The following KRT82 variants were observed in gnomAD, a reference collection of about 807,000 sequenced individuals.
KRT82 encodes the protein keratin 82, also known as keratin, type II cuticular Hb2.
A neutral mutation model predicts 48.0 loss-of-function variants in KRT82; 44 were observed. The ratio of observed to expected loss-of-function variants is 0.92; its 90% confidence interval spans 0.72 to 1.18. The LOEUF (loss-of-function observed/expected upper bound fraction) is 1.18, where lower values mean the gene tolerates loss of function less well. Ranked by LOEUF, KRT82 falls within the 50% of genes most tolerant of loss-of-function variation. The pLI is 0.00. For synonymous variants in KRT82, 297 were observed against 278.3 expected (o/e 1.07, Z -0.67); for missense variants, 701 against 671.4 (o/e 1.04, Z -0.49).
In KRT82 at chr12:52,405,881, A is replaced by T; in HGVS notation, c.397T>A (p.Ser133Thr). The stretch of plus-strand genomic sequence containing the variant: ...TGCCCCCTTACCTTGTTGATGAAAG[A>T]TGCGAAACGGTTGTTGAGGCACTTG... The part of the protein sequence containing the change: ...QIKCLNNRFA[S>T]FINKVRFLEQ... The change falls in exon 1 of 9, where the codon TCT (serine) becomes ACT (threonine). Residue 133 changes from serine (S) to threonine (T), a missense_variant. Physicochemically the swap from Ser to Thr is moderately conservative, Grantham distance 58. Coordinates refer to ENST00000257974, the MANE Select transcript of KRT82 (RefSeq NM_033033.4). The T allele has an allele frequency of 6.2e-7, 1 of 1,612,086 alleles. No homozygotes were observed. The highest frequency in any genetic ancestry group is 8.5e-7 in the Non-Finnish European group (1 of 1,178,590).
At chr12:52,399,822 C>A (rs565862883) in intron 5 of KRT82, among the ~76,000 whole-genome samples, 163 bp downstream of exon 5, 2 of 152,298 alleles carry the variant, frequency 1.3e-5, no homozygotes, top group African/African-American at 4.8e-5. Context: ...TGGGGCCTGG[C>A]AGAAACAACA....
intron 2 of KRT82, 120 bp downstream of exon 2, chr12:52,403,581 G>T: frequency 1.4e-6 from 1 of 707,564 alleles, no homozygotes. Flanking sequence ...CCACCTAACT[G>T]TTCTGCCACC....
chr12:52,398,448 C>T (rs1355617592), intron 5 of KRT82, among the ~76,000 whole-genome samples: 3 of 150,854 alleles, frequency 2.0e-5, no homozygotes, highest in East Asian at 1.9e-4. Context: ...GTACTTCAAG[C>T]TACTTTAGAA....
At chr12:52,398,069 A>G (rs1470319442) in intron 5 of KRT82, among the ~76,000 whole-genome samples, 1 of 152,210 alleles carries the variant, frequency 6.6e-6, no homozygotes, top group East Asian at 1.9e-4. Flanking sequence ...CAAACAAACA[A>G]AAAACAAAAA....
Position 52,405,922 on chromosome 12 carries a change from TC to T in KRT82, c.355del (p.Asp119MetfsTer70). The T allele has an allele frequency of 3.1e-6, 5 of 1,614,028 alleles. No homozygotes were observed. The highest frequency in any genetic ancestry group is 4.2e-6 in the Non-Finnish European group (5 of 1,179,982). ...IDPTVQRVKRDEKEQIKCLNN... is the reference protein window; with the variant it reads ...IDPTVQRVKRXEKEQIKCLNN... ...GAGGCACTTGATCTGCTCCTTCTCATCCCTCTTTACCCTCTGCACAGTCGGG... is the reference window on the plus strand; with the variant it reads ...GAGGCACTTGATCTGCTCCTTCTCATCCTCTTTACCCTCTGCACAGTCGGG... On this transcript the variant is annotated frameshift_variant, in exon 1 of 9. Coordinates refer to ENST00000257974, the MANE Select transcript of KRT82 (RefSeq NM_033033.4). LOFTEE classifies it high-confidence loss of function.
intron 2 of KRT82, among the ~76,000 whole-genome samples, chr12:52,402,582 G>A (rs754782953): frequency 6.6e-5 from 10 of 152,108 alleles, no homozygotes; most frequent in Admixed American, 1.3e-4. Flanking sequence ...AGAGCAAATC[G>A]CACCTCCTCC....
rs59612842 is a variant in KRT82 at position 52,406,012 on chromosome 12, G to T, written c.266C>A (p.Ser89Tyr). 5.3e-4 allele frequency: 855 copies of T among 1,614,236 alleles called. 6 individuals carry two copies. In the African/African-American group the frequency reaches 0.011, roughly 20 times the overall value. ...GATGGTGACAGGGGTGATGCAGGCA[G>T]AAGGCCCACAGGTGGCTCCCAGTCG... is the stretch of plus-strand genomic sequence containing the variant. ...GYRLGATCGP[S>Y]ACITPVTINE... Residue 89 changes from serine (S) to tyrosine (Y), a missense_variant, in exon 1 of 9, where the codon TCT becomes TAT. Transcript: ENST00000257974.
At chr12:52,400,853 G>A (rs1023889289) in intron 3 of KRT82, among the ~76,000 whole-genome samples, 2 of 152,206 alleles carry the variant, frequency 1.3e-5, no homozygotes, top group African/African-American at 4.8e-5. Context: ...AGCCTTAGCA[G>A]CAGCATCTCA....
intron 5 of KRT82, among the ~76,000 whole-genome samples, chr12:52,398,650 C>T (rs1337772981): frequency 2.6e-5 from 4 of 152,102 alleles, no homozygotes; most frequent in Admixed American, 1.3e-4. Flanking sequence ...GAAGGGCCAG[C>T]CAGAGTGAAA....
intron 2 of KRT82, chr12:52,402,231 T>A (rs977136045): frequency 6.6e-6 from 1 of 152,276 alleles, no homozygotes; most frequent in Non-Finnish European, 1.5e-5. Context: ...TGGTACAGGC[T>A]CTGTACTGTG....
chr12:52,398,688 T>A (rs1939747138), intron 5 of KRT82, among the ~76,000 whole-genome samples: 1 of 151,830 alleles, frequency 6.6e-6, no homozygotes. Context: ...CACAGACAGG[T>A]TCACCAGGAG....
chr12:52,399,435 T>C (rs1331141155), intron 5 of KRT82, among the ~76,000 whole-genome samples: 1 of 152,206 alleles, frequency 6.6e-6, no homozygotes, highest in African/African-American at 2.4e-5. Flanking sequence ...AGTGCATGCA[T>C]GCATGGCGCC....
At chr12:52,404,393 G>A (rs1939826646) in intron 1 of KRT82, among the ~76,000 whole-genome samples, 1 of 152,228 alleles carries the variant, frequency 6.6e-6, no homozygotes, top group South Asian at 2.1e-4. Flanking sequence ...GGAAAAGACG[G>A]ATCAAGGGAC....
At chr12:52,405,842 C>T (rs200271210) in intron 1 of KRT82, 25 bp downstream of exon 1, 98 of 1,583,976 alleles carry the variant, frequency 6.2e-5, no homozygotes, top group Middle Eastern at 5.1e-4. Flanking sequence ...GGTCCTCTCA[C>T]GGCCCTGGGC....
intron 5 of KRT82, among the ~76,000 whole-genome samples, chr12:52,399,107 T>G (rs116767279): frequency 7.2e-4 from 109 of 152,360 alleles, no homozygotes; most frequent in African/African-American, 2.5e-3. Flanking sequence ...GCTGGTGTTT[T>G]GGTTTGGGAA....
chr12:52,396,467 A>G (rs1939717536), intron 6 of KRT82, among the ~76,000 whole-genome samples: 1 of 152,170 alleles, frequency 6.6e-6, no homozygotes, highest in South Asian at 2.1e-4. Context: ...TGTGGGGTTA[A>G]TATGTTTTAA....
chr12:52,405,819 C>T (rs1222632878), intron 1 of KRT82, 48 bp downstream of exon 1: 1 of 1,550,232 alleles, frequency 6.5e-7, no homozygotes, highest in Non-Finnish European at 8.7e-7. Flanking sequence ...GACCAGACCC[C>T]AGATCTGCAG....
rs983192416 is a variant in KRT82 at position 52,396,132 on chromosome 12, T to C, written c.1169A>G (p.Gln390Arg). ...CKLAGLEEALQKAKQDMACLL... is the reference protein window; with the variant it reads ...CKLAGLEEALRKAKQDMACLL... ...GCAGGCCATGTCCTGCTTGGCCTTCTGCAGAGCCTCCTCCAGCCCTGCCAG... is the reference window on the plus strand; with the variant it reads ...GCAGGCCATGTCCTGCTTGGCCTTCCGCAGAGCCTCCTCCAGCCCTGCCAG... Residue 390 changes from glutamine (Q) to arginine (R), a missense_variant, in exon 7 of 9, where the codon CAG becomes CGG. By Grantham distance (43) the Gln-to-Arg change is conservative. Transcript: ENST00000257974. 51 of 1,614,086 alleles carry C rather than the reference T, an allele frequency of 3.2e-5. No individual in the cohort carries two copies. Among genetic ancestry groups the C allele is most frequent in the Non-Finnish European group, 4.2e-5 (49 of 1,180,040 alleles).
chr12:52,403,019 T>A (rs939355383), intron 2 of KRT82, among the ~76,000 whole-genome samples: 14 of 152,120 alleles, frequency 9.2e-5, no homozygotes, highest in Non-Finnish European at 2.9e-5. Context: ...GTGAGAAAAT[T>A]TATCTGGGCC....
Sources: gnomAD v4.1 joint callset for allele counts (sites outside exome capture counted in the v4.1 genomes callset) on GRCh38, gnomAD v4.1.1 for gene constraint, MANE v1.5 for transcripts, NCBI Gene and HGNC (gene_info 2026-07-23, HGNC 2026-07-21) for gene names.